Variants in OTOG observed in about 807,000 individuals in gnomAD.
OTOG encodes otogelin.
In OTOG, 296 loss-of-function variants were observed where a neutral mutation model predicts 313.8. The observed-to-expected ratio is 0.94, with a 90% confidence interval of 0.86 to 1.04. The LOEUF (loss-of-function observed/expected upper bound fraction) is 1.04. Ranked by LOEUF, OTOG falls within the 50% of genes least tolerant of loss-of-function variation. The pLI is 0.00. For missense variants in OTOG, 3,948 were observed against 3,840.1 expected (o/e 1.03, Z -0.74); for synonymous variants, 1,533 against 1,554.9 (o/e 0.99, Z 0.33).
At chr11:17,558,458 A>G (rs2134006127) in intron 9 of OTOG, 80 bp from the exon 10 acceptor site, 3 of 1,525,844 alleles carry the variant, frequency 2.0e-6, no homozygotes, top group Non-Finnish European at 1.8e-6. Flanking sequence ...CCCTCTCCCC[A>G]CAGCTCAAGT....
chr11:17,548,184 G>A lies in OTOG; in HGVS notation c.188G>A (p.Gly63Glu), dbSNP rs1308540645. 46 of 1,548,344 alleles carry A rather than the reference G, an allele frequency of 3.0e-5. No individual in the cohort carries two copies. Among genetic ancestry groups the A allele is most frequent in the Non-Finnish European group, 4.0e-5 (46 of 1,145,774 alleles). Residue 63 changes from glycine to glutamate, a missense_variant, in exon 3 of 56, where the codon GGG becomes GAG. Physicochemically the swap from Gly to Glu is moderately conservative, Grantham distance 98. Transcript: ENST00000399397. ...SSHQEATLAM[G>E]DKATVVGGQQ... ...CACCAGGAGGCGACCCTTGCCATGG[G>A]GGACAAGGCTACAGTCGTGGGAGGC...
intron 6 of OTOG, 124 bp downstream of exon 6, chr11:17,553,643 C>A: frequency 1.1e-6 from 1 of 943,590 alleles, no homozygotes; most frequent in Non-Finnish European, 1.4e-6. Context: ...CGCCCCCCAG[C>A]TCCCACCCAG....
chr11:17,634,210 G>T lies in OTOG; in HGVS notation c.7409G>T (p.Ser2470Ile). The change falls in exon 44 of 56, where the codon AGC (serine) becomes ATC (isoleucine). Residue 2470 changes from serine (S) to isoleucine (I), a missense_variant. By Grantham distance (142) the Ser-to-Ile change is moderately radical. Transcript: ENST00000399397. ...DLGCPSPRPE[S>I]CLRFGEVALL... is the part of the protein sequence containing the mutation. The stretch of plus-strand genomic sequence containing the variant: ...GGCTGCCCCAGTCCCCGCCCTGAGA[G>T]CTGCCTGCGATTCGGGGAGGTGGCC... 1 of 1,550,510 alleles carries T rather than the reference G, an allele frequency of 6.4e-7. No individual in the cohort carries two copies. The highest frequency in any genetic ancestry group is 8.7e-7 in the Non-Finnish European group (1 of 1,146,954).
Position 17,559,165 on chromosome 11 carries a change from G to A in OTOG, c.1213+4G>A, listed in dbSNP as rs967165689. On this transcript the variant is annotated splice_donor_region_variant and intron_variant, in intron 11 of 55. Transcript: ENST00000399397. Reference sequence around the variant, plus strand: ...AGGACCCAGCTCCGGCAATGCAGTAGGTGCAGCCCAGTAGTGGGGCAGGGA... The same window carrying A: ...AGGACCCAGCTCCGGCAATGCAGTAAGTGCAGCCCAGTAGTGGGGCAGGGA... 3.3e-6 allele frequency: 5 copies of A among 1,534,836 alleles called. No individual in the cohort carries two copies. Among genetic ancestry groups the A allele is most frequent in the East Asian group, 2.4e-5 (1 of 40,896 alleles).
intron 39 of OTOG, among the ~76,000 whole-genome samples, chr11:17,622,415 A>G (rs1334316888): frequency 6.6e-6 from 1 of 152,184 alleles, no homozygotes; most frequent in Non-Finnish European, 1.5e-5. Context: ...TAAATGTATA[A>G]TTAAATTACT....
chr11:17,550,250 T>C (rs746403434), intron 3 of OTOG, among the ~76,000 whole-genome samples: 15 of 152,240 alleles, frequency 9.9e-5, no homozygotes, highest in Non-Finnish European at 2.1e-4. Context: ...ATTTTGGCAG[T>C]GATAAGGCCC....
In OTOG at chr11:17,608,370, A is replaced by G. The variant is rs1183449128; in HGVS notation, c.4231A>G (p.Thr1411Ala). The G allele has an allele frequency of 1.3e-6, 2 of 1,546,112 alleles. No individual in the cohort carries two copies. Among genetic ancestry groups the G allele is most frequent in the Admixed American group, 2.0e-5 (1 of 50,324 alleles). The change falls in exon 34 of 56, where the codon ACC (threonine) becomes GCC (alanine). Residue 1411 changes from threonine to alanine, a missense_variant. Transcript: ENST00000399397. Reference sequence around the variant, plus strand: ...TGCCTGTGCCAGCCCCTGCTTCCAAACCTGCCGGGACCCACGGGCAGCCAG... The same window carrying G: ...TGCCTGTGCCAGCCCCTGCTTCCAAGCCTGCCGGGACCCACGGGCAGCCAG... ...YDACASPCFQTCRDPRAASCR... is the reference protein window; with the variant it reads ...YDACASPCFQACRDPRAASCR...
At chr11:17,551,774 G>T (rs2133995411) in intron 3 of OTOG, among the ~76,000 whole-genome samples, 1 of 152,244 alleles carries the variant, frequency 6.6e-6, no homozygotes, top group African/African-American at 2.4e-5. Flanking sequence ...GATGCCACTT[G>T]GGAAGGTGAG....
chr11:17,612,560 T>G, intron 37 of OTOG, 60 bp from the exon 38 acceptor site: 3 of 1,502,898 alleles, frequency 2.0e-6, no homozygotes, highest in Non-Finnish European at 2.7e-6. Flanking sequence ...CCCATCTTCC[T>G]AGGCGGCCTT....
intron 22 of OTOG, among the ~76,000 whole-genome samples, chr11:17,577,551 C>T (rs989236110): frequency 2.0e-5 from 3 of 152,176 alleles, no homozygotes; most frequent in African/African-American, 7.2e-5. Flanking sequence ...TTCCCTGGCA[C>T]TCACTAGCTG....
intron 20 of OTOG, among the ~76,000 whole-genome samples, chr11:17,575,681 A>G (rs1354036843): frequency 6.6e-6 from 1 of 152,178 alleles, no homozygotes; most frequent in Non-Finnish European, 1.5e-5. Flanking sequence ...AAATGGTGGC[A>G]GGGCTGGAGA....
At position 17,561,884 on chromosome 11, in the gene OTOG, G is replaced by C. The variant is rs879057541; in HGVS notation, c.1644+77G>C. ...GCCCCCAAGAGAGACTGGGACTTAG[G>C]ACAGGGCTCAGGTCTTCCCATGGCC... On this transcript the variant is annotated intron_variant, in intron 15 of 55. Coordinates refer to ENST00000399397, the MANE Select transcript of OTOG (RefSeq NM_001292063.2). 121 of 1,520,046 alleles carry C rather than the reference G, an allele frequency of 8.0e-5. 3 individuals are homozygous for C. The South Asian group carries it at 1.4e-3, about 17-fold the overall frequency. 94.2% of individuals were successfully genotyped at this position (1,520,046 alleles called of 1,614,324 possible).
intron 54 of OTOG, among the ~76,000 whole-genome samples, chr11:17,644,453 A>G (rs2133726692): frequency 6.6e-6 from 1 of 152,356 alleles, no homozygotes; most frequent in South Asian, 2.1e-4. Context: ...TTACAGAGTG[A>G]GTGCACGTAC....
intron 47 of OTOG, among the ~76,000 whole-genome samples, chr11:17,636,092 G>T (rs1022049001): frequency 6.6e-6 from 1 of 152,212 alleles, no homozygotes; most frequent in African/African-American, 2.4e-5. Context: ...GCCCGCTCCT[G>T]GAGGCTGTAT....
At chr11:17,644,676 T>G (rs1238721918) in intron 54 of OTOG, among the ~76,000 whole-genome samples, 1 of 152,168 alleles carries the variant, frequency 6.6e-6, no homozygotes, top group Non-Finnish European at 1.5e-5. Context: ...CACATTAAAG[T>G]GTGAAAGGAA....
chr11:17,610,154 G>A lies in OTOG; in HGVS notation c.4854G>A (p.Lys1618=). 3.2e-6 allele frequency: 5 copies of A among 1,550,622 alleles called. No homozygotes were observed. Among genetic ancestry groups the A allele is most frequent in the Non-Finnish European group, 4.4e-6 (5 of 1,146,988 alleles). Residue 1618 remains lysine (K), a synonymous_variant, in exon 36 of 56, where the codon AAG becomes AAA. Coordinates refer to ENST00000399397, the MANE Select transcript of OTOG (RefSeq NM_001292063.2). The part of the protein sequence containing the change: ...PPAPRFPLMT[K]AVTVRGHGSL... ...CCCCTCGCTTCCCGCTCATGACCAA[G>A]GCTGTGACAGTCCGAGGCCATGGCT...
chr11:17,621,296 AGGTAAAGCCAAAGT>A (rs1272125443), intron 39 of OTOG, among the ~76,000 whole-genome samples: 1 of 152,210 alleles, frequency 6.6e-6, no homozygotes, highest in East Asian at 1.9e-4. Flanking sequence ...AAGCTTTGTT[AGGTAAAGCCAAAGT>A]AGCCTTTATT....
chr11:17,564,269 A>G (rs1232794120), intron 15 of OTOG, among the ~76,000 whole-genome samples: 3 of 152,216 alleles, frequency 2.0e-5, no homozygotes, highest in African/African-American at 7.2e-5. Flanking sequence ...GTCCTCAGAC[A>G]GCTTCCATAC....
intron 3 of OTOG, among the ~76,000 whole-genome samples, chr11:17,548,717 C>G (rs554857774): frequency 6.6e-6 from 1 of 151,940 alleles, no homozygotes; most frequent in South Asian, 2.1e-4. Context: ...ATCCTTTGAG[C>G]CTTTTTTTTT....
Sources: gnomAD v4.1 joint callset for allele counts (sites outside exome capture counted in the v4.1 genomes callset) on GRCh38, gnomAD v4.1.1 for gene constraint, MANE v1.5 for transcripts, NCBI Gene and HGNC (gene_info 2026-07-23, HGNC 2026-07-21) for gene names.